Variants in GALK2 observed in about 807,000 individuals in gnomAD.
GALK2 encodes N-acetylgalactosamine kinase.
Under a neutral mutation model 52.4 loss-of-function variants are expected in GALK2, and 36 were observed. That is an observed-to-expected ratio of 0.69 (90% CI 0.53 to 0.91). The LOEUF is 0.91. Among genes scored for constraint, GALK2 ranks in the 40% least tolerant of loss-of-function variants. The pLI, the probability that GALK2 is intolerant of heterozygous loss-of-function variation, is 0.00. For missense variants in GALK2, 579 were observed against 559.1 expected (o/e 1.04, Z -0.36); for synonymous variants, 176 against 199.1 (o/e 0.88, Z 0.98).
chr15:49,174,219 T>A (rs1371273565), intron 1 of GALK2, among the ~76,000 whole-genome samples: 1 of 152,218 alleles, frequency 6.6e-6, no homozygotes, highest in Non-Finnish European at 1.5e-5. Context: ...TTCTTGTGAA[T>A]TTTTTAAAGC....
intron 8 of GALK2, among the ~76,000 whole-genome samples, chr15:49,293,994 G>C (rs542728394): frequency 1.3e-5 from 2 of 152,024 alleles, no homozygotes; most frequent in South Asian, 4.2e-4. Context: ...CAGCTAGTCA[G>C]GTGGCTGAGG....
chr15:49,182,107 T>C (rs983109051), intron 1 of GALK2, among the ~76,000 whole-genome samples: 1 of 152,184 alleles, frequency 6.6e-6, no homozygotes, highest in Non-Finnish European at 1.5e-5. Context: ...TCTAACTTCA[T>C]TTTTGTACCT....
chr15:49,261,964 G>T (rs1362450305), intron 5 of GALK2, among the ~76,000 whole-genome samples: 2 of 152,264 alleles, frequency 1.3e-5, no homozygotes, highest in Admixed American at 6.5e-5. Flanking sequence ...GCTGGATTCA[G>T]TTTGCCAGTA....
chr15:49,180,889 AT>A (rs977870603), intron 1 of GALK2, among the ~76,000 whole-genome samples: 20 of 152,092 alleles, frequency 1.3e-4, no homozygotes, highest in African/African-American at 4.8e-4. Context: ...CTCATATCAT[AT>A]TCTGTCATAG....
chr15:49,292,412 A>C lies in GALK2; in HGVS notation c.842A>C (p.Glu281Ala). 1 of 1,614,050 alleles carries C rather than the reference A, an allele frequency of 6.2e-7. No homozygotes were observed. Among genetic ancestry groups the C allele is most frequent in the East Asian group, 2.2e-5 (1 of 44,888 alleles). ...VQAKLGISLEEMLLVTEDALH... is the reference protein window; with the variant it reads ...VQAKLGISLEAMLLVTEDALH... ...GCTAAACTAGGGATTAGTCTAGAAG[A>C]AATGCTGTTGGTCACAGAAGATGCC... Residue 281 changes from glutamate (E) to alanine (A), a missense_variant, in exon 8 of 10, where the codon GAA becomes GCA. Physicochemically the swap from Glu to Ala is moderately radical, Grantham distance 107 (BLOSUM62 -1). Coordinates refer to ENST00000560031, the MANE Select transcript of GALK2 (RefSeq NM_002044.4).
chr15:49,176,320 A>G (rs1253789119), intron 1 of GALK2, among the ~76,000 whole-genome samples: 1 of 152,242 alleles, frequency 6.6e-6, no homozygotes, highest in Non-Finnish European at 1.5e-5. Flanking sequence ...TTGGTAAACA[A>G]GTTAGGAACC....
At chr15:49,224,140 C>G (rs543878921) in intron 3 of GALK2, among the ~76,000 whole-genome samples, 4 of 152,102 alleles carry the variant, frequency 2.6e-5, no homozygotes, top group African/African-American at 9.6e-5. Flanking sequence ...TGTATGTCTT[C>G]CTTTGAGAAG....
chr15:49,347,134 T>C (rs955163285), intron 3 of GALK2, among the ~76,000 whole-genome samples: 1 of 152,206 alleles, frequency 6.6e-6, no homozygotes, highest in Non-Finnish European at 1.5e-5. Context: ...AGCAGTTTTG[T>C]AGTATACTCA....
chr15:49,224,012 G>T (rs1480828402), intron 3 of GALK2, among the ~76,000 whole-genome samples: 4 of 152,124 alleles, frequency 2.6e-5, no homozygotes, highest in Admixed American at 2.6e-4. Flanking sequence ...CCCACCAAGA[G>T]TGTATAAGCA....
chr15:49,163,033 G>A (rs1056792130), intron 1 of GALK2, among the ~76,000 whole-genome samples: 1 of 152,134 alleles, frequency 6.6e-6, no homozygotes, highest in African/African-American at 2.4e-5. Flanking sequence ...TCATATGGTA[G>A]GTATATATTT....
In GALK2 at chr15:49,292,547, C is replaced by A; in HGVS notation, c.967+10C>A. 1 of 1,608,320 alleles carries A rather than the reference C, an allele frequency of 6.2e-7. No homozygotes were observed. Among genetic ancestry groups the A allele is most frequent in the Non-Finnish European group, 8.5e-7 (1 of 1,175,258 alleles). On this transcript the variant is annotated intron_variant, in intron 8 of 9. Transcript: ENST00000560031. ...CCAAACACTCAAGATGGTGAGTTGG[C>A]TGGAGAAAGTATGATATATGTTATT...
intron 5 of GALK2, among the ~76,000 whole-genome samples, chr15:49,252,095 G>C (rs2091628291): frequency 6.6e-6 from 1 of 152,050 alleles, no homozygotes; most frequent in Admixed American, 6.6e-5. Flanking sequence ...GTGAAACTCT[G>C]TCTCTCCTAA....
chr15:49,300,777 C>G (rs1036670967), intron 8 of GALK2, among the ~76,000 whole-genome samples: 9 of 152,106 alleles, frequency 5.9e-5, no homozygotes, highest in African/African-American at 2.2e-4. Context: ...CTTCTCATTC[C>G]GCCATGATTA....
In GALK2 at chr15:49,175,025, A is replaced by G. The variant is rs550339345; in HGVS notation, c.53+4650A>G. 2.6e-5 allele frequency among the ~76,000 whole-genome samples: 4 copies of G among 152,314 alleles called. No homozygotes were observed. The East Asian group carries it at 7.7e-4, about 29-fold the overall frequency. ...GGCCCCACAGAGTCTGTCTTATACA[A>G]TAGAGTCATACATATTCAGTAGGTT... On this transcript the variant is annotated intron_variant, in intron 1 of 9. Transcript: ENST00000560031.
chr15:49,185,123 C>A (rs185633753), intron 1 of GALK2, among the ~76,000 whole-genome samples: 14 of 152,228 alleles, frequency 9.2e-5, no homozygotes, highest in African/African-American at 3.4e-4. Context: ...ACCCATACCC[C>A]ACTCCTCCTT....
chr15:49,335,402 G>A, downstream of GALK2: 2 of 1,520,682 alleles, frequency 1.3e-6, no homozygotes, highest in Non-Finnish European at 1.8e-6. Context: ...TTTAACAATA[G>A]TATAGCATCA....
intron 3 of GALK2, among the ~76,000 whole-genome samples, chr15:49,230,310 C>T (rs578132348): frequency 5.9e-5 from 9 of 152,254 alleles, no homozygotes; most frequent in African/African-American, 1.4e-4. Flanking sequence ...AGGGTTGAGG[C>T]GCTCTCCTAT....
intron 5 of GALK2, among the ~76,000 whole-genome samples, chr15:49,279,980 A>G (rs984309521): frequency 6.6e-6 from 1 of 152,256 alleles, no homozygotes; most frequent in African/African-American, 2.4e-5. Context: ...AACAAGGAAT[A>G]TGACACTTGC....
intron 7 of GALK2, among the ~76,000 whole-genome samples, chr15:49,286,230 G>A (rs112630276): frequency 0.06 from 9,175 of 152,216 alleles, 550 homozygotes; most frequent in African/African-American, 0.15. Flanking sequence ...TGTTTGTCTT[G>A]TTAACTCTTA....
Sources: gnomAD v4.1 joint callset for allele counts (sites outside exome capture counted in the v4.1 genomes callset) on GRCh38, gnomAD v4.1.1 for gene constraint, MANE v1.5 for transcripts, NCBI Gene and HGNC (gene_info 2026-07-23, HGNC 2026-07-21) for gene names.